The following SLC24A2 variants were observed in gnomAD, a reference collection of about 807,000 sequenced individuals.
The protein encoded by SLC24A2 is solute carrier family 24 member 2.
In SLC24A2, 36 loss-of-function variants were observed where a neutral mutation model predicts 62.0. The observed-to-expected ratio is 0.58, with a 90% CI of 0.44 to 0.77. SLC24A2 has a LOEUF of 0.77. SLC24A2 is among the 30% of genes least tolerant of loss of function. The pLI, the probability that SLC24A2 is intolerant of heterozygous loss-of-function variation, is 0.00. For missense variants in SLC24A2, 846 were observed against 817.9 expected, an observed-to-expected ratio of 1.03 and a Z score of -0.42; for synonymous variants, 358 against 294.0, an observed-to-expected ratio of 1.22 and a Z score of -2.23.
chr9:20,170,290 T>C, the SLC24A2 span, among the ~76,000 whole-genome samples: 1 of 151,950 alleles, frequency 6.6e-6, no homozygotes. Context: ...AAAAGTTGTC[T>C]CAGCAAGGCA....
At chr9:19,731,533 G>A (rs1587234984) in intron 2 of SLC24A2, among the ~76,000 whole-genome samples, 2 of 122,840 alleles carry the variant, frequency 1.6e-5, no homozygotes, top group South Asian at 6.9e-4. Flanking sequence ...GTGTGTGTGT[G>A]TGTGTGTGTG....
At chr9:20,126,561 T>A in the SLC24A2 span, among the ~76,000 whole-genome samples, 1 of 152,202 alleles carries the variant, frequency 6.6e-6, no homozygotes, top group Non-Finnish European at 1.5e-5. Flanking sequence ...TACATTTGAA[T>A]ACAATTGACA....
chr9:20,299,015 T>C, the SLC24A2 span, among the ~76,000 whole-genome samples: 1 of 152,164 alleles, frequency 6.6e-6, no homozygotes, highest in East Asian at 1.9e-4. Context: ...GGGGTCGGGA[T>C]GTATATACAA....
At chr9:19,914,357 C>T in the SLC24A2 span, among the ~76,000 whole-genome samples, 30 of 122,088 alleles carry the variant, frequency 2.5e-4, no homozygotes, top group Non-Finnish European at 3.8e-4. Flanking sequence ...TCCATTATCA[C>T]GAAAATAAAA....
chr9:20,246,873 C>G, the SLC24A2 span, among the ~76,000 whole-genome samples: 1 of 152,220 alleles, frequency 6.6e-6, no homozygotes, highest in Admixed American at 6.5e-5. Context: ...GCCACCACCA[C>G]CCTATCTCCA....
At chr9:19,929,345 G>A in the SLC24A2 span, 1 of 152,210 alleles carries the variant, frequency 6.6e-6, no homozygotes, top group Non-Finnish European at 1.5e-5. Flanking sequence ...AATTTTAGTA[G>A]AGTCTGCTGA....
intron 10 of SLC24A2, among the ~76,000 whole-genome samples, chr9:19,520,055 G>A (rs1833115357): frequency 6.6e-6 from 1 of 152,128 alleles, no homozygotes; most frequent in Admixed American, 6.5e-5. Flanking sequence ...CAGTGCACAT[G>A]GTAGACACTG....
intron 8 of SLC24A2, among the ~76,000 whole-genome samples, chr9:19,541,940 C>T (rs1378048751): frequency 6.6e-6 from 1 of 152,202 alleles, no homozygotes; most frequent in Non-Finnish European, 1.5e-5. Flanking sequence ...CTGAAAAGCG[C>T]AATATTCGGG....
chr9:20,283,792 G>A, the SLC24A2 span, among the ~76,000 whole-genome samples: 1 of 151,502 alleles, frequency 6.6e-6, no homozygotes, highest in Non-Finnish European at 1.5e-5. Flanking sequence ...AACTTTATAG[G>A]CTCGCCTCTT....
At chr9:19,945,220 TAAAGA>T in the SLC24A2 span, among the ~76,000 whole-genome samples, 1 of 151,974 alleles carries the variant, frequency 6.6e-6, no homozygotes, top group Non-Finnish European at 1.5e-5. Context: ...CTTTGTTTTA[TAAAGA>T]AAATATGAGC....
At chr9:20,012,491 C>T in the SLC24A2 span, among the ~76,000 whole-genome samples, 4 of 152,118 alleles carry the variant, frequency 2.6e-5, no homozygotes, top group South Asian at 8.3e-4. Flanking sequence ...AACATATCAC[C>T]CACTCTCACC....
intron 5 of SLC24A2, among the ~76,000 whole-genome samples, chr9:19,594,337 T>A (rs921036524): frequency 6.6e-6 from 1 of 152,212 alleles, no homozygotes; most frequent in Non-Finnish European, 1.5e-5. Flanking sequence ...TTGTACACAA[T>A]AGGTGCTTAA....
the SLC24A2 span, among the ~76,000 whole-genome samples, chr9:20,182,674 A>T: frequency 6.6e-6 from 1 of 152,162 alleles, no homozygotes; most frequent in Non-Finnish European, 1.5e-5. Context: ...TAGGAGAAAT[A>T]CCTAATGCAA....
the SLC24A2 span, among the ~76,000 whole-genome samples, chr9:20,124,267 G>C: frequency 6.6e-6 from 1 of 151,190 alleles, no homozygotes; most frequent in African/African-American, 2.4e-5. Flanking sequence ...AAAGGGAGAA[G>C]GGCTTCACAC....
At chr9:19,964,975 C>T in the SLC24A2 span, among the ~76,000 whole-genome samples, 3 of 152,094 alleles carry the variant, frequency 2.0e-5, no homozygotes, top group Non-Finnish European at 4.4e-5. Flanking sequence ...TTCCTGTCTT[C>T]CCCATGGAGT....
the SLC24A2 span, among the ~76,000 whole-genome samples, chr9:20,108,442 C>G: frequency 1.3e-5 from 2 of 152,122 alleles, no homozygotes; most frequent in Non-Finnish European, 2.9e-5. Flanking sequence ...AGACTTGGAA[C>G]CAACCCAAAT....
At chr9:19,716,024 A>G (rs1820850797) in intron 2 of SLC24A2, among the ~76,000 whole-genome samples, 1 of 152,212 alleles carries the variant, frequency 6.6e-6, no homozygotes, top group African/African-American at 2.4e-5. Flanking sequence ...CAAAATATAC[A>G]ACTTACAAAA....
At chr9:19,744,078 G>A (rs1307843659) in intron 2 of SLC24A2, among the ~76,000 whole-genome samples, 2 of 152,002 alleles carry the variant, frequency 1.3e-5, no homozygotes, top group Middle Eastern at 3.2e-3. Context: ...ACCTCATATG[G>A]GCTGGCAGAG....
chr9:20,119,115 G>C, the SLC24A2 span, among the ~76,000 whole-genome samples: 1 of 152,204 alleles, frequency 6.6e-6, no homozygotes, highest in South Asian at 2.1e-4. Context: ...AAGAAGCTAA[G>C]GCCCTCAATT....
Sources: allele counts gnomAD v4.1 joint callset (sites outside exome capture counted in the v4.1 genomes callset), GRCh38; gene constraint gnomAD v4.1.1; transcripts MANE v1.5; gene names NCBI Gene and HGNC (gene_info 2026-07-23, HGNC 2026-07-21).